NEK9: variants seen among roughly 807,000 people sequenced by gnomAD.
NEK9 encodes serine/threonine-protein kinase Nek9.
A neutral mutation model predicts 123.4 loss-of-function variants in NEK9; 75 were observed. The ratio of observed to expected loss-of-function variants is 0.61; its 90% CI spans 0.50 to 0.74. The LOEUF is 0.74. NEK9 is among the 30% of genes least tolerant of loss of function. NEK9 has a pLI of 0.00. For missense variants in NEK9, 952 were observed against 1,214.4 expected, an observed-to-expected ratio of 0.78 and a Z score of 3.21; for synonymous variants, 438 against 458.7, an observed-to-expected ratio of 0.95 and a Z score of 0.58.
At chr14:75,112,323 A>T (rs1894983788) in intron 8 of NEK9, among the ~76,000 whole-genome samples, 1 of 152,244 alleles carries the variant, frequency 6.6e-6, no homozygotes, top group African/African-American at 2.4e-5. Context: ...ATATTTAACG[A>T]AGATAAATGT....
chr14:75,110,398 G>A (rs1383826179), intron 8 of NEK9, 27 bp from the exon 9 acceptor site: 4 of 1,581,802 alleles, frequency 2.5e-6, no homozygotes, highest in Non-Finnish European at 3.5e-6. Flanking sequence ...AAAGATACAT[G>A]AGTGAAATAA....
In NEK9 at chr14:75,079,591, T is replaced by C. The variant is rs1893809522; in HGVS notation, c.*4973A>G. 6.6e-6 allele frequency: 1 copy of C among 152,234 alleles called. No individual in the cohort carries two copies. The highest frequency in any genetic ancestry group is 1.5e-5 in the Non-Finnish European group (1 of 68,050). The allele number at this position is 152,234 out of a possible 1,614,324, so 9.4% of individuals were successfully genotyped here. On this transcript the variant is annotated 3_prime_UTR_variant, in exon 22 of 22. Transcript: ENST00000238616. ...ACAAAATGGCAACATGTGGATTGCT[T>C]TGCTCCACAGATGTTTTATTTCGCT...
In NEK9 at chr14:75,097,183, G is replaced by A. The variant is rs1177705911; in HGVS notation, c.2090C>T (p.Thr697Ile). 13 of 1,613,852 alleles carry A rather than the reference G, an allele frequency of 8.1e-6. No individual in the cohort carries two copies. The highest frequency in any genetic ancestry group is 1.7e-5 in the Admixed American group (1 of 60,004). The change falls in exon 17 of 22, where the codon ACC becomes ATC. Residue 697 changes from threonine (T) to isoleucine (I), a missense_variant. This residue lies in a region of NEK9 where 698 missense variants were observed against 875.6 expected (regional missense o/e 0.80). Transcript: ENST00000238616. The stretch of plus-strand genomic sequence containing the variant: ...TCCAAAAATAGGCCGAGGCCATGAG[G>A]TACAGATATCAGAGCCATGTGGTCT... ...TERPHGSDIC[T>I]SWPRPIFGSL...
At chr14:75,098,923 C>A (rs1477189446) in intron 16 of NEK9, among the ~76,000 whole-genome samples, 1 of 152,180 alleles carries the variant, frequency 6.6e-6, no homozygotes, top group African/African-American at 2.4e-5. Flanking sequence ...CCTGACTGTC[C>A]TGTGTAACGT....
At position 75,107,437 on chromosome 14, in the gene NEK9, T is replaced by C; in HGVS notation, c.1233A>G (p.Lys411=). ...KLHGQLGHGD[K]ASYRQPKHVE... ...CATGCTTTGGCTGTCGATAGGAGGC[T>C]TTGTCTCCATGGCCCAGCTGACCAT... Residue 411 remains lysine (K), a synonymous_variant, in exon 11 of 22, where the codon AAA becomes AAG. Transcript: ENST00000238616. The C allele has an allele frequency of 6.2e-7, 1 of 1,613,620 alleles. No homozygotes were observed. The highest frequency in any genetic ancestry group is 1.7e-4 in the Middle Eastern group (1 of 6,060).
chr14:75,115,519 G>A (rs1221961018), intron 6 of NEK9, among the ~76,000 whole-genome samples: 1 of 152,200 alleles, frequency 6.6e-6, no homozygotes, highest in African/African-American at 2.4e-5. Context: ...TCTTATGAAA[G>A]GGCAATGAAT....
Position 75,091,342 on chromosome 14 carries a change from A to C in NEK9, c.2370T>G (p.Gly790=), listed in dbSNP as rs145745785. The change falls in exon 19 of 22, where the codon GGT becomes GGG. Residue 790 remains glycine, a synonymous_variant. Coordinates refer to ENST00000238616, the MANE Select transcript of NEK9 (RefSeq NM_033116.6). ...GTMEADRGME[G]LISPTEAMGN... is the part of the protein sequence containing the mutation. ...CCATGGCCTCTGTGGGACTGATTAAACCTTCCATTCCTCGGTCTGCTTCCA... is the reference window on the plus strand; with the variant it reads ...CCATGGCCTCTGTGGGACTGATTAACCCTTCCATTCCTCGGTCTGCTTCCA... 42 of 1,613,986 alleles carry C rather than the reference A, an allele frequency of 2.6e-5. No individual in the cohort carries two copies. In the African/African-American group the frequency reaches 5.2e-4, roughly 20 times the overall value.
intron 20 of NEK9, among the ~76,000 whole-genome samples, 189 bp downstream of exon 20, chr14:75,088,291 G>T (rs1336806291): frequency 6.6e-6 from 1 of 152,198 alleles, no homozygotes; most frequent in East Asian, 1.9e-4. Context: ...AAATGTGGAA[G>T]GGTAAATACC....
At chr14:75,125,905 T>A (rs1895507422) in intron 1 of NEK9, among the ~76,000 whole-genome samples, 1 of 152,190 alleles carries the variant, frequency 6.6e-6, no homozygotes, top group South Asian at 2.1e-4. Flanking sequence ...ATCGTTAGTT[T>A]TTGGAAGTAG....
chr14:75,096,837 A>AG (rs573985291), intron 17 of NEK9: 574 of 323,916 alleles, frequency 1.8e-3, no homozygotes, highest in Admixed American at 3.8e-3. Context: ...GACAAAAAAA[A>AG]ACAACCAAAA....
intron 21 of NEK9, chr14:75,086,498 A>G (rs1894028230): frequency 1.3e-5 from 2 of 157,098 alleles, no homozygotes; most frequent in East Asian, 1.8e-4. Context: ...TAAGTATTGT[A>G]AAAGAAAAAA....
chr14:75,112,605 C>T (rs535604391), intron 8 of NEK9, among the ~76,000 whole-genome samples: 3 of 152,286 alleles, frequency 2.0e-5, no homozygotes, highest in African/African-American at 7.2e-5. Context: ...AGGAGGATTG[C>T]TTAGGCAACA....
At chr14:75,122,555 G>T (rs1371573709) in intron 2 of NEK9, among the ~76,000 whole-genome samples, 2 of 151,958 alleles carry the variant, frequency 1.3e-5, no homozygotes, top group Non-Finnish European at 2.9e-5. Flanking sequence ...CTGTCACCAG[G>T]CTGCAGTGGC....
intron 14 of NEK9, among the ~76,000 whole-genome samples, chr14:75,102,674 A>G (rs537527418): frequency 6.6e-6 from 1 of 152,106 alleles, no homozygotes; most frequent in African/African-American, 2.4e-5. Flanking sequence ...TTTTCAAACT[A>G]CAAAGACACT....
At chr14:75,111,759 C>T (rs181341972) in intron 8 of NEK9, among the ~76,000 whole-genome samples, 233 of 152,212 alleles carry the variant, frequency 1.5e-3, no homozygotes, top group African/African-American at 5.3e-3. Flanking sequence ...GGCGTGGTGG[C>T]GCCTGCCTGT....
chr14:75,126,580 G>C (rs1895534322), intron 1 of NEK9, 123 bp downstream of exon 1: 1 of 639,406 alleles, frequency 1.6e-6, no homozygotes, highest in Non-Finnish European at 2.4e-6. Flanking sequence ...AAGACCCTAA[G>C]ACATATACCC....
At chr14:75,112,505 T>C (rs1894989371) in intron 8 of NEK9, among the ~76,000 whole-genome samples, 1 of 152,110 alleles carries the variant, frequency 6.6e-6, no homozygotes, top group African/African-American at 2.4e-5. Flanking sequence ...AACTCCAACC[T>C]ACCACCTAAA....
At position 75,101,640 on chromosome 14, in the gene NEK9, G is replaced by T; in HGVS notation, c.1840+17C>A. The T allele has an allele frequency of 6.4e-7, 1 of 1,558,988 alleles. No individual in the cohort carries two copies. Among genetic ancestry groups the T allele is most frequent in the Non-Finnish European group, 8.8e-7 (1 of 1,130,216 alleles). On this transcript the variant is annotated intron_variant, in intron 15 of 21. Transcript: ENST00000238616. ...CTCAGCTACTAAGGCATGTGATACAGTTGTAAATCAACTTACCATCAATAG... is the reference window on the plus strand; with the variant it reads ...CTCAGCTACTAAGGCATGTGATACATTTGTAAATCAACTTACCATCAATAG...
In NEK9 at chr14:75,104,008, A is replaced by T; in HGVS notation, c.1576-11T>A. The T allele has an allele frequency of 2.5e-6, 4 of 1,596,788 alleles. No individual in the cohort carries two copies. Among genetic ancestry groups the T allele is most frequent in the East Asian group, 4.5e-5 (2 of 44,764 alleles). On this transcript the variant is annotated splice_polypyrimidine_tract_variant and intron_variant, in intron 13 of 21. Transcript: ENST00000238616. ...CTTGGGAACATCCACCTGCAAGAAA[A>T]AAATCAGAAAAAGAAATCCCAAATA...
Sources: gnomAD v4.1 joint callset for allele counts (sites outside exome capture counted in the v4.1 genomes callset) on GRCh38, gnomAD v4.1.1 for gene constraint, gnomAD v4.1.1 regional missense constraint, MANE v1.5 for transcripts, NCBI Gene and HGNC (gene_info 2026-07-23, HGNC 2026-07-21) for gene names.